ACSL3: variants seen among roughly 807,000 people sequenced by gnomAD.
ACSL3 encodes acyl-CoA synthetase long chain family member 3, also known as fatty acid CoA ligase Acsl3.
ACSL3 carries 34 observed loss-of-function variants against 84.7 expected under a neutral mutation model. That is an observed-to-expected ratio of 0.40 (90% CI 0.31 to 0.53). ACSL3 has a LOEUF of 0.53. Ranked by LOEUF, ACSL3 falls within the 20% of genes least tolerant of loss-of-function variation. The probability of loss-of-function intolerance (pLI) is 0.48; values close to 1 mark genes in which losing one functional copy is unlikely to be tolerated. For synonymous variants in ACSL3, 315 were observed against 299.4 expected (o/e 1.05, Z -0.54); for missense variants, 680 against 873.1 (o/e 0.78, Z 2.79).
In ACSL3 at chr2:222,867,301, C is replaced by T. The variant is rs532816598; in HGVS notation, c.-207+6043C>T. On this transcript the variant is annotated intron_variant, in intron 1 of 16. Coordinates refer to ENST00000357430, the MANE Select transcript of ACSL3 (RefSeq NM_004457.5). The stretch of plus-strand genomic sequence containing the variant: ...CTGTCTTTTAACTAAAATATTGACG[C>T]ACTTTCTGTATGTTTGAAAAATATT... Among the ~76,000 whole-genome samples the T allele has an allele frequency of 9.9e-5, 15 of 152,276 alleles. No individual in the cohort carries two copies. In the South Asian group the frequency reaches 2.3e-3, roughly 23 times the overall value.
intron 1 of ACSL3, among the ~76,000 whole-genome samples, chr2:222,874,632 G>A (rs1695399271): frequency 6.6e-6 from 1 of 151,248 alleles, no homozygotes; most frequent in South Asian, 2.1e-4. Flanking sequence ...CTGTGATCAA[G>A]CCACTGCACT....
chr2:222,882,761 G>GTTTTT (rs71408540), intron 1 of ACSL3, among the ~76,000 whole-genome samples: 11,594 of 119,622 alleles, frequency 0.097, 1,169 homozygotes, highest in East Asian at 0.31. Context: ...CCAGATCACT[G>GTTTTT]TTTTTTTTTT....
rs923628248 is a variant in ACSL3 at position 222,885,329 on chromosome 2, G to T, written c.-206-2501G>T. On this transcript the variant is annotated intron_variant, in intron 1 of 16. Transcript: ENST00000357430. ...TGCTCTCTTAACTGGCTGTACTTCC[G>T]TAAGAGTGCCAAGATCTATCTTGTT... Among the ~76,000 whole-genome samples the T allele has an allele frequency of 1.2e-4, 18 of 152,108 alleles. No individual in the cohort carries two copies. In the East Asian group the frequency reaches 1.9e-3, roughly 16 times the overall value.
At chr2:222,919,761 G>A (rs1319292565) in intron 7 of ACSL3, among the ~76,000 whole-genome samples, 1 of 152,236 alleles carries the variant, frequency 6.6e-6, no homozygotes, top group African/African-American at 2.4e-5. Flanking sequence ...CATTTCCTCT[G>A]TAGTTGGAAA....
chr2:222,926,268 A>G (rs764711294), intron 11 of ACSL3, among the ~76,000 whole-genome samples: 5 of 152,230 alleles, frequency 3.3e-5, no homozygotes, highest in Non-Finnish European at 7.3e-5. Context: ...CGTTTTATAT[A>G]AGGGACTTAG....
At chr2:222,919,335 C>A in intron 7 of ACSL3, 133 bp downstream of exon 7, 1 of 962,946 alleles carries the variant, frequency 1.0e-6, no homozygotes, top group South Asian at 2.0e-5. Flanking sequence ...GAAAACAGGT[C>A]CCTCTAGGTA....
intron 4 of ACSL3, 133 bp downstream of exon 4, chr2:222,909,283 A>G (rs1696378760): frequency 3.5e-6 from 3 of 860,410 alleles, no homozygotes; most frequent in Admixed American, 5.8e-5. Context: ...AGGGGGCTAG[A>G]CTACCTTCTA....
At chr2:222,874,904 T>C (rs1431632370) in intron 1 of ACSL3, among the ~76,000 whole-genome samples, 1 of 151,818 alleles carries the variant, frequency 6.6e-6, no homozygotes, top group Non-Finnish European at 1.5e-5. Flanking sequence ...GCCAGGAGTT[T>C]TGAGACAGCC....
intron 1 of ACSL3, among the ~76,000 whole-genome samples, chr2:222,880,663 C>T (rs1695569023): frequency 6.6e-6 from 1 of 151,530 alleles, no homozygotes; most frequent in African/African-American, 2.4e-5. Context: ...CCTGTCTCTA[C>T]TAAAAATAAA....
intron 7 of ACSL3, 141 bp downstream of exon 7, chr2:222,919,343 GTA>G: frequency 1.2e-6 from 1 of 830,126 alleles, no homozygotes; most frequent in South Asian, 2.6e-5. Flanking sequence ...GTCCCTCTAG[GTA>G]TACTTTCATC....
chr2:222,908,111 A>T (rs946565747), intron 3 of ACSL3, among the ~76,000 whole-genome samples: 1 of 152,232 alleles, frequency 6.6e-6, no homozygotes. Context: ...TTAGAACGAT[A>T]TCTAACATAG....
chr2:222,934,802 C>T (rs1697131225), intron 16 of ACSL3, 115 bp downstream of exon 16: 4 of 1,126,148 alleles, frequency 3.6e-6, no homozygotes, highest in Admixed American at 6.1e-5. Flanking sequence ...ACCATTTCTA[C>T]CGTTAGTATA....
chr2:222,915,612 G>A (rs1696560059), intron 4 of ACSL3, among the ~76,000 whole-genome samples: 1 of 152,102 alleles, frequency 6.6e-6, no homozygotes, highest in Non-Finnish European at 1.5e-5. Context: ...CTTCAAAAGG[G>A]AGTTTTTACT....
At chr2:222,863,659 A>G (rs2106076635) in intron 1 of ACSL3, among the ~76,000 whole-genome samples, 1 of 152,330 alleles carries the variant, frequency 6.6e-6, no homozygotes, top group South Asian at 2.1e-4. Context: ...AACAACGAGC[A>G]TCATAATGAC....
intron 4 of ACSL3, among the ~76,000 whole-genome samples, chr2:222,912,338 T>C (rs1338282448): frequency 1.3e-5 from 2 of 152,194 alleles, no homozygotes; most frequent in Non-Finnish European, 2.9e-5. Context: ...TGGTTTCTTG[T>C]TACACCCATT....
At chr2:222,905,548 T>C (rs563829019) in intron 3 of ACSL3, among the ~76,000 whole-genome samples, 2 of 152,356 alleles carry the variant, frequency 1.3e-5, no homozygotes, top group East Asian at 1.9e-4. Context: ...TTCTGGGTTA[T>C]TAGGGTATGT....
chr2:222,943,102 A>AGAAC lies in ACSL3; in HGVS notation c.*1448_*1449insGAAC, dbSNP rs1553601404. 5.0e-6 allele frequency: 1 copy of AGAAC among 198,380 alleles called. No homozygotes were observed. The highest frequency in any genetic ancestry group is 1.0e-5 in the Non-Finnish European group (1 of 99,082). 12.3% of individuals were successfully genotyped at this position (198,380 alleles called of 1,614,324 possible). On this transcript the variant is annotated 3_prime_UTR_variant, in exon 17 of 17. Transcript: ENST00000357430. ...GCAAAAATCAAAAAAAAAAAAAACA[A>AGAAC]AAACAAAAAAAAAGATGAACCTAGG...
At chr2:222,907,898 G>GTA (rs1696336098) in intron 3 of ACSL3, among the ~76,000 whole-genome samples, 1 of 152,030 alleles carries the variant, frequency 6.6e-6, no homozygotes. Context: ...TCACTTAGCT[G>GTA]TAGCACCTCT....
intron 15 of ACSL3, 29 bp from the exon 16 acceptor site, chr2:222,934,501 C>A: frequency 6.7e-7 from 1 of 1,486,814 alleles, no homozygotes; most frequent in Non-Finnish European, 9.0e-7. Context: ...CCATTTTGTT[C>A]CTTATCTGTT....
Sources: allele counts gnomAD v4.1 joint callset (sites outside exome capture counted in the v4.1 genomes callset), GRCh38; gene constraint gnomAD v4.1.1; transcripts MANE v1.5; gene names NCBI Gene and HGNC (gene_info 2026-07-23, HGNC 2026-07-21).